Variants in RAP1GAP2 observed in about 807,000 individuals in gnomAD.
RAP1GAP2 encodes rap1 GTPase-activating protein 2.
Under a neutral mutation model 95.0 loss-of-function variants are expected in RAP1GAP2, and 27 were observed. The observed-to-expected ratio is 0.28, with a 90% CI of 0.21 to 0.39. RAP1GAP2 has a LOEUF of 0.39. RAP1GAP2 is among the 10% of genes least tolerant of loss of function. RAP1GAP2 has a pLI of 1.00. For missense variants in RAP1GAP2, 771 were observed against 970.0 expected (o/e 0.79, Z 2.72); for synonymous variants, 373 against 380.9 (o/e 0.98, Z 0.24).
At chr17:2,768,872 C>T (rs2151432926) in intron 1 of RAP1GAP2, among the ~76,000 whole-genome samples, 1 of 151,662 alleles carries the variant, frequency 6.6e-6, no homozygotes, top group East Asian at 1.9e-4. Context: ...TCTAGAAGAC[C>T]TAATCTTGAC....
intron 8 of RAP1GAP2, among the ~76,000 whole-genome samples, chr17:2,969,668 A>C (rs2044773438): frequency 6.6e-6 from 1 of 151,270 alleles, no homozygotes; most frequent in South Asian, 2.1e-4. Context: ...CACCTGGCTA[A>C]TTTTTTTGTA....
chr17:2,830,490 C>T (rs1453071097), intron 2 of RAP1GAP2, among the ~76,000 whole-genome samples: 1 of 151,852 alleles, frequency 6.6e-6, no homozygotes, highest in Non-Finnish European at 1.5e-5. Context: ...CCGAGGCGGG[C>T]AGATCACGAT....
At chr17:2,781,607 G>GGTCTCTGTGTGAGCAC (rs1285736225) in intron 1 of RAP1GAP2, among the ~76,000 whole-genome samples, 2,607 of 108,608 alleles carry the variant, frequency 0.024, 244 homozygotes, top group African/African-American at 0.097. Context: ...TGTGTGTGCA[G>GGTCTCTGTGTGAGCAC]GTCTCTGTGT....
At chr17:2,983,018 A>G (rs777538087) in intron 10 of RAP1GAP2, among the ~76,000 whole-genome samples, 2 of 152,180 alleles carry the variant, frequency 1.3e-5, no homozygotes, top group Non-Finnish European at 2.9e-5. Context: ...TGACTCACCC[A>G]GGCAGGAGTG....
chr17:2,834,053 G>A (rs941783865), intron 2 of RAP1GAP2, among the ~76,000 whole-genome samples: 3 of 152,060 alleles, frequency 2.0e-5, no homozygotes, highest in South Asian at 2.1e-4. Flanking sequence ...TCCTGCACCC[G>A]CCTGGTGTCT....
chr17:3,037,025 G>A lies in RAP1GAP2; in HGVS notation c.*3664G>A, dbSNP rs373468602. On this transcript the variant is annotated 3_prime_UTR_variant, in exon 25 of 25. Coordinates refer to ENST00000254695, the MANE Select transcript of RAP1GAP2 (RefSeq NM_015085.5). The stretch of plus-strand genomic sequence containing the variant: ...CCCCAGCCTCTAGCTACCCTGTATC[G>A]AGGCAAGGGGAGGCCAGTAAAGTTT... The A allele has an allele frequency of 1.2e-4, 18 of 152,708 alleles. No homozygotes were observed. Among genetic ancestry groups the A allele is most frequent in the African/African-American group, 4.1e-4 (17 of 41,554 alleles). The allele number at this position is 152,708 out of a possible 1,614,324, so 9.5% of individuals were successfully genotyped here. A position where few individuals can be genotyped will look rare whatever the true frequency, so the allele number is the denominator to read the frequency against.
At chr17:2,922,917 G>A (rs2042835920) in intron 3 of RAP1GAP2, among the ~76,000 whole-genome samples, 1 of 142,438 alleles carries the variant, frequency 7.0e-6, no homozygotes, top group Non-Finnish European at 1.5e-5. Flanking sequence ...ACCTTGGCTT[G>A]TGGCACGACC....
chr17:2,847,204 T>C (rs992832341), intron 2 of RAP1GAP2, among the ~76,000 whole-genome samples: 1 of 152,150 alleles, frequency 6.6e-6, no homozygotes, highest in African/African-American at 2.4e-5. Flanking sequence ...AGACGGGGTT[T>C]CACCATGTTG....
intron 8 of RAP1GAP2, among the ~76,000 whole-genome samples, chr17:2,972,532 T>C (rs1246203601): frequency 7.4e-6 from 1 of 135,560 alleles, no homozygotes; most frequent in Non-Finnish European, 1.5e-5. Context: ...TGCACACCTG[T>C]AATTGCAGTG....
At chr17:2,826,086 TTC>T (rs1353102883) in intron 2 of RAP1GAP2, among the ~76,000 whole-genome samples, 1 of 151,072 alleles carries the variant, frequency 6.6e-6, no homozygotes, top group Admixed American at 6.6e-5. Context: ...GTTCAAGCGA[TTC>T]TGCTGCCTCA....
rs111900865 is a variant in RAP1GAP2 at position 2,870,345 on chromosome 17, T to C, written c.81-34939T>C. Among the ~76,000 whole-genome samples the C allele has an allele frequency of 0.17, 25,213 of 151,902 alleles. 2,674 individuals carry two copies. The highest frequency in any genetic ancestry group is 0.3 in the African/African-American group (12,343 of 41,406). On this transcript the variant is annotated intron_variant, in intron 2 of 24. Transcript: ENST00000254695. This position sits in a 1 kb window ranked among gnomAD's most constrained non-coding sequence, Gnocchi z 4.4. Reference sequence around the variant, plus strand: ...TGTTGGCCAGGCTGGTCTCAAACTCTTGACCTCGTGATCTGCCTGCCTCGT... The same window carrying C: ...TGTTGGCCAGGCTGGTCTCAAACTCCTGACCTCGTGATCTGCCTGCCTCGT...
chr17:2,800,491 G>A lies in RAP1GAP2; in HGVS notation c.45-24G>A, dbSNP rs576227462. The A allele has an allele frequency of 2.8e-5, 45 of 1,610,146 alleles. 2 individuals are homozygous for A. In the South Asian group the frequency reaches 4.9e-4, roughly 17 times the overall value. On this transcript the variant is annotated intron_variant, in intron 1 of 24. Coordinates refer to ENST00000254695, the MANE Select transcript of RAP1GAP2 (RefSeq NM_015085.5). Reference sequence around the variant, plus strand: ...GAGTCTTCAGCCTCAGCACTGACCGGAGCCCTTGCTTTTCTCTTGGCAGGA... The same window carrying A: ...GAGTCTTCAGCCTCAGCACTGACCGAAGCCCTTGCTTTTCTCTTGGCAGGA...
At position 2,766,396 on chromosome 17, in the gene RAP1GAP2, T is replaced by G. The variant is rs144186789; in HGVS notation, c.51-3933T>G. 2.4e-3 allele frequency among the ~76,000 whole-genome samples: 362 copies of G among 152,134 alleles called. 3 individuals carry two copies. Among genetic ancestry groups the G allele is most frequent in the South Asian group, 1.0e-2 (48 of 4,814 alleles). Reference sequence around the variant, plus strand: ...GCTCACGCCTGTAATCTCAGCACTTTGGGAGGCCAGGTGGGCGAATCACCA... The same window carrying G: ...GCTCACGCCTGTAATCTCAGCACTTGGGGAGGCCAGGTGGGCGAATCACCA... On this transcript the variant is annotated intron_variant, in intron 1 of 25. Coordinates refer to the RAP1GAP2 transcript ENST00000637138.
chr17:2,893,373 A>G, intron 2 of RAP1GAP2, among the ~76,000 whole-genome samples: 1 of 152,154 alleles, frequency 6.6e-6, no homozygotes, highest in East Asian at 1.9e-4. Flanking sequence ...CTTCAGAAGA[A>G]GTGGGATAAT....
chr17:2,992,876 G>C (rs1287346615), intron 12 of RAP1GAP2, among the ~76,000 whole-genome samples: 1 of 152,138 alleles, frequency 6.6e-6, no homozygotes, highest in African/African-American at 2.4e-5. Flanking sequence ...CTTTGGATAA[G>C]TGACTTGACC....
intron 14 of RAP1GAP2, among the ~76,000 whole-genome samples, chr17:3,000,247 C>T (rs963384133): frequency 6.6e-6 from 1 of 152,256 alleles, no homozygotes; most frequent in African/African-American, 2.4e-5. Context: ...CTGTGCCCAG[C>T]CCATTTCTTG....
At chr17:2,999,261 A>G (rs1369555611) in intron 14 of RAP1GAP2, among the ~76,000 whole-genome samples, 2 of 152,194 alleles carry the variant, frequency 1.3e-5, no homozygotes, top group Non-Finnish European at 2.9e-5. Flanking sequence ...CTTGGGCAAC[A>G]GTCTCTTGGT....
At chr17:2,886,236 G>A (rs983610044) in intron 2 of RAP1GAP2, among the ~76,000 whole-genome samples, 4 of 148,508 alleles carry the variant, frequency 2.7e-5, no homozygotes, top group Non-Finnish European at 5.9e-5. Flanking sequence ...GCAGTGGTGC[G>A]ATCTCAGCTC....
chr17:2,967,143 T>C (rs2007613), intron 8 of RAP1GAP2, among the ~76,000 whole-genome samples: 67,673 of 151,562 alleles, frequency 0.45, 15,618 homozygotes, highest in Admixed American at 0.59. Context: ...TCAAGGCGGG[T>C]GGATCACGAG....
Sources: gnomAD v4.1 joint callset for allele counts (sites outside exome capture counted in the v4.1 genomes callset) on GRCh38, gnomAD v4.1.1 for gene constraint, Gnocchi (gnomAD v3.1) non-coding constraint, MANE v1.5 for transcripts, NCBI Gene and HGNC (gene_info 2026-07-23, HGNC 2026-07-21) for gene names.